SPAG9: variants seen among roughly 807,000 people sequenced by gnomAD.
SPAG9 encodes the protein C-Jun-amino-terminal kinase-interacting protein 4.
SPAG9 carries 35 observed loss-of-function variants against 166.5 expected under a neutral mutation model. That is an observed-to-expected ratio of 0.21 (90% CI 0.16 to 0.28). SPAG9 has a LOEUF of 0.28. Among genes scored for constraint, SPAG9 ranks in the 10% least tolerant of loss-of-function variants. SPAG9 has a pLI of 1.00. For missense variants in SPAG9, 1,235 were observed against 1,603.3 expected (o/e 0.77, Z 3.92); for synonymous variants, 534 against 565.5 (o/e 0.94, Z 0.79).
intron 3 of SPAG9, among the ~76,000 whole-genome samples, chr17:51,053,857 ATATATATAT>A (rs2047268181): frequency 3.8e-4 from 14 of 36,544 alleles, no homozygotes; most frequent in East Asian, 1.6e-3. Context: ...AAAAAAAAGT[ATATATATAT>A]ATATATATAT....
intron 2 of SPAG9, among the ~76,000 whole-genome samples, chr17:51,071,328 G>A (rs145153421): frequency 2.6e-5 from 4 of 152,278 alleles, no homozygotes; most frequent in Admixed American, 2.0e-4. Context: ...GAATGGCAAA[G>A]TTGATTACAC....
At chr17:50,989,500 G>A in intron 21 of SPAG9, 177 bp downstream of exon 21, 1 of 669,434 alleles carries the variant, frequency 1.5e-6, no homozygotes, top group African/African-American at 1.8e-5. Context: ...AAATGGGGGG[G>A]AATATCCAGC....
chr17:51,102,848 T>C (rs2048844957), intron 1 of SPAG9, among the ~76,000 whole-genome samples: 4 of 152,156 alleles, frequency 2.6e-5, no homozygotes, highest in Admixed American at 2.6e-4. Context: ...GGTCTCGCTA[T>C]GTTGCCCAGC....
intron 6 of SPAG9, among the ~76,000 whole-genome samples, chr17:51,026,529 C>T (rs2144245494): frequency 6.6e-6 from 1 of 151,996 alleles, no homozygotes; most frequent in African/African-American, 2.4e-5. Flanking sequence ...CCCTTTTATA[C>T]TTACCACATA....
intron 12 of SPAG9, among the ~76,000 whole-genome samples, chr17:51,003,059 C>T (rs187861083): frequency 6.7e-6 from 1 of 150,266 alleles, no homozygotes; most frequent in Admixed American, 6.6e-5. Flanking sequence ...CATAGTGAGA[C>T]CCTGGCTCTA....
At chr17:51,112,748 C>T (rs2049155100) in intron 1 of SPAG9, among the ~76,000 whole-genome samples, 1 of 148,326 alleles carries the variant, frequency 6.7e-6, no homozygotes, top group African/African-American at 2.5e-5. Context: ...CCCAGGAGTT[C>T]CAGACCAGAC....
chr17:50,988,542 AAC>A (rs1299568004), intron 21 of SPAG9, among the ~76,000 whole-genome samples: 4 of 152,166 alleles, frequency 2.6e-5, no homozygotes, highest in African/African-American at 4.8e-5. Flanking sequence ...GCCTAAAACA[AAC>A]AGTTTTCTTT....
intron 6 of SPAG9, among the ~76,000 whole-genome samples, chr17:51,023,915 C>T (rs2144213012): frequency 6.6e-6 from 1 of 152,356 alleles, no homozygotes; most frequent in East Asian, 1.9e-4. Flanking sequence ...ATCTGCTGGC[C>T]TCAGCCTCCC....
intron 1 of SPAG9, among the ~76,000 whole-genome samples, chr17:51,109,482 A>G (rs2049045493): frequency 6.6e-6 from 1 of 152,010 alleles, no homozygotes. Context: ...TGATCTGCCC[A>G]CCTCGGCCTT....
chr17:50,971,459 C>CT (rs71353691), intron 28 of SPAG9, among the ~76,000 whole-genome samples: 4,958 of 89,944 alleles, frequency 0.055, 864 homozygotes, highest in Non-Finnish European at 0.063. Context: ...TTCAAACTAC[C>CT]TTTTTTTTTT....
At chr17:51,077,003 T>C (rs1279539367) in intron 2 of SPAG9, among the ~76,000 whole-genome samples, 2 of 85,198 alleles carry the variant, frequency 2.3e-5, no homozygotes, top group African/African-American at 1.1e-4. Context: ...TCTAGCTATC[T>C]AGCTAGCTAG....
intron 3 of SPAG9, among the ~76,000 whole-genome samples, chr17:51,052,706 C>T (rs570730408): frequency 1.3e-5 from 2 of 151,842 alleles, no homozygotes; most frequent in African/African-American, 4.8e-5. Context: ...CGTATCTTCA[C>T]CTTTATTAAA....
intron 27 of SPAG9, chr17:50,976,040 C>T (rs879120563): frequency 1.5e-6 from 1 of 684,206 alleles, no homozygotes; most frequent in Non-Finnish European, 2.6e-6. Context: ...CAAGATCCCA[C>T]TTGGCATAAT....
rs1973351185 is a variant in SPAG9 at position 50,966,183 on chromosome 17, C to A, written c.*89G>T. ...TCACACATTATGTGGTGAAACTTAT[C>A]TCACAAAAGAGCATTAAATAAAAGG... On this transcript the variant is annotated 3_prime_UTR_variant, in exon 30 of 30. Transcript: ENST00000262013. 3 of 836,042 alleles carry A rather than the reference C, an allele frequency of 3.6e-6. No homozygotes were observed. Among genetic ancestry groups the A allele is most frequent in the Non-Finnish European group, 6.2e-6 (3 of 483,994 alleles). The allele number at this position is 836,042 out of a possible 1,614,324, so 51.8% of individuals were successfully genotyped here. A position where few individuals can be genotyped will look rare whatever the true frequency, so the allele number is the denominator to read the frequency against.
intron 2 of SPAG9, among the ~76,000 whole-genome samples, chr17:51,077,702 G>A (rs1480203893): frequency 6.6e-6 from 1 of 151,982 alleles, no homozygotes; most frequent in Non-Finnish European, 1.5e-5. Flanking sequence ...CCAGCCTGGA[G>A]TGTAGTGGTG....
chr17:51,080,021 T>C (rs1417356823), intron 1 of SPAG9, among the ~76,000 whole-genome samples: 1 of 152,212 alleles, frequency 6.6e-6, no homozygotes, highest in Non-Finnish European at 1.5e-5. Context: ...CTTAAAAATC[T>C]ATAACATGTA....
chr17:51,001,912 T>C, intron 12 of SPAG9, 67 bp from the exon 13 acceptor site: 3 of 1,434,776 alleles, frequency 2.1e-6, no homozygotes, highest in Non-Finnish European at 2.9e-6. Flanking sequence ...CATCTCAGAG[T>C]TATGCAAAAT....
chr17:51,119,052 A>AAAG (rs2049390233), intron 1 of SPAG9, among the ~76,000 whole-genome samples: 1 of 150,778 alleles, frequency 6.6e-6, no homozygotes, highest in Non-Finnish European at 1.5e-5. Context: ...AAAAAAAAAA[A>AAAG]GGCAATTTTG....
chr17:51,020,107 G>A (rs2045881738), intron 8 of SPAG9, 52 bp downstream of exon 8: 12 of 1,040,442 alleles, frequency 1.2e-5, no homozygotes, highest in Non-Finnish European at 1.7e-5. Context: ...AGTGTTTATG[G>A]GAGTTGGGGG....
Sources: allele counts gnomAD v4.1 joint callset (sites outside exome capture counted in the v4.1 genomes callset), GRCh38; gene constraint gnomAD v4.1.1; transcripts MANE v1.5; gene names NCBI Gene and HGNC (gene_info 2026-07-23, HGNC 2026-07-21).